ZNF385D: variants seen among roughly 807,000 people sequenced by gnomAD.
The protein encoded by ZNF385D is zinc finger protein 385D, also known as zinc finger protein 659.
ZNF385D carries 15 observed loss-of-function variants against 35.8 expected under a neutral mutation model. That is an observed-to-expected ratio of 0.42 (90% CI 0.28 to 0.64). The LOEUF (loss-of-function observed/expected upper bound fraction) is 0.64. ZNF385D is among the 30% of genes least tolerant of loss of function. The probability of loss-of-function intolerance (pLI) is 0.23; values close to 1 mark genes in which losing one functional copy is unlikely to be tolerated. For synonymous variants in ZNF385D, 212 were observed against 186.8 expected, an observed-to-expected ratio of 1.13 and a Z score of -1.10; for missense variants, 474 against 494.6, an observed-to-expected ratio of 0.96 and a Z score of 0.39.
At chr3:21,789,149 C>G (rs750750453) in intron 3 of ZNF385D, among the ~76,000 whole-genome samples, 22 of 152,060 alleles carry the variant, frequency 1.4e-4, no homozygotes, top group Non-Finnish European at 3.1e-4. Context: ...CCACCATGAA[C>G]AGTGGATTCA....
intron 2 of ZNF385D, among the ~76,000 whole-genome samples, chr3:22,267,274 A>G (rs952860316): frequency 6.6e-6 from 1 of 151,936 alleles, no homozygotes; most frequent in Non-Finnish European, 1.5e-5. Flanking sequence ...CCAATCTAAA[A>G]TTTAGGTGTA....
chr3:22,154,689 T>G (rs1705474594), intron 3 of ZNF385D, among the ~76,000 whole-genome samples: 1 of 152,198 alleles, frequency 6.6e-6, no homozygotes, highest in Non-Finnish European at 1.5e-5. Context: ...TCTGGTTTTC[T>G]CCTATTCTGC....
At chr3:21,952,768 C>G (rs913366836) in intron 3 of ZNF385D, among the ~76,000 whole-genome samples, 4 of 151,608 alleles carry the variant, frequency 2.6e-5, no homozygotes, top group African/African-American at 4.8e-5. Flanking sequence ...AAAAATGTAA[C>G]TGCTACTTAA....
chr3:22,372,571 G>C, exon 2 of ZNF385D: 3 of 982,322 alleles, frequency 3.1e-6, no homozygotes, highest in Middle Eastern at 1.0e-3. Context: ...AGGAGCAGCC[G>C]CCGGGGCTGG....
intron 3 of ZNF385D, among the ~76,000 whole-genome samples, chr3:22,038,002 T>C (rs1013085868): frequency 6.6e-6 from 1 of 152,036 alleles, no homozygotes; most frequent in Non-Finnish European, 1.5e-5. Context: ...TAATAAATGG[T>C]GCTGGGAAAA....
intron 2 of ZNF385D, among the ~76,000 whole-genome samples, chr3:22,348,485 T>TAAAAAAAAAAAAAAAAAAAAAAAAA (rs1168729541): frequency 9.4e-5 from 8 of 84,872 alleles, no homozygotes; most frequent in African/African-American, 3.4e-4. Flanking sequence ...CCATCTCTAC[T>TAAAAAAAAAAAAAAAAAAAAAAAAA]AAAAAAAAAA....
At chr3:22,046,133 CAGG>C (rs1237274723) in intron 3 of ZNF385D, among the ~76,000 whole-genome samples, 2 of 152,074 alleles carry the variant, frequency 1.3e-5, no homozygotes, top group African/African-American at 4.8e-5. Context: ...CTGTGGGCAG[CAGG>C]AGATCTGCTA....
chr3:21,881,128 G>C (rs1698255048), intron 3 of ZNF385D, among the ~76,000 whole-genome samples: 1 of 151,940 alleles, frequency 6.6e-6, no homozygotes. Flanking sequence ...TGATCCAGAA[G>C]ACTTAGCTAA....
intron 3 of ZNF385D, among the ~76,000 whole-genome samples, chr3:21,907,325 A>G (rs1382367870): frequency 2.0e-5 from 3 of 152,152 alleles, no homozygotes; most frequent in African/African-American, 7.2e-5. Flanking sequence ...TTATATCTTT[A>G]CTTCTACAAT....
In ZNF385D at chr3:21,743,027, C is replaced by T. The variant is rs571555963; in HGVS notation, c.22+7868G>A. On this transcript the variant is annotated intron_variant, in intron 1 of 7. Coordinates refer to ENST00000281523, the MANE Select transcript of ZNF385D (RefSeq NM_024697.3). ...GCATATTTTAGTTCTCCAAATAGAA[C>T]CGTGAGAAACATTATTATATTATTA... Among the ~76,000 whole-genome samples the T allele has an allele frequency of 1.6e-4, 25 of 152,276 alleles. No homozygotes were observed. The South Asian group carries it at 1.7e-3, about 10-fold the overall frequency.
intron 3 of ZNF385D, among the ~76,000 whole-genome samples, chr3:21,958,286 T>A (rs1702393580): frequency 6.6e-6 from 1 of 152,118 alleles, no homozygotes; most frequent in South Asian, 2.1e-4. Context: ...ACACTGGAGA[T>A]TGACAATAGA....
intron 3 of ZNF385D, among the ~76,000 whole-genome samples, chr3:22,057,647 C>G (rs1003090143): frequency 6.6e-6 from 1 of 151,738 alleles, no homozygotes; most frequent in Non-Finnish European, 1.5e-5. Context: ...GTAGCTGGAA[C>G]GACAGGCAGG....
intron 2 of ZNF385D, among the ~76,000 whole-genome samples, chr3:22,283,248 T>C (rs2125384262): frequency 6.6e-6 from 1 of 152,148 alleles, no homozygotes; most frequent in South Asian, 2.1e-4. Flanking sequence ...ACTTCAGTAC[T>C]CCACTGACAG....
intron 3 of ZNF385D, among the ~76,000 whole-genome samples, chr3:22,009,135 A>G (rs115103296): frequency 1.6e-3 from 243 of 152,254 alleles, no homozygotes; most frequent in African/African-American, 5.5e-3. Context: ...TTAAAAACAC[A>G]CATATCCTCA....
At chr3:22,017,411 G>C (rs9816411) in intron 3 of ZNF385D, among the ~76,000 whole-genome samples, 8,756 of 151,882 alleles carry the variant, frequency 0.058, 842 homozygotes, top group African/African-American at 0.2. Context: ...TCAAATTTTT[G>C]TGTGTTGTCT....
chr3:22,177,434 A>C (rs1278087713), intron 2 of ZNF385D, among the ~76,000 whole-genome samples: 2 of 152,190 alleles, frequency 1.3e-5, no homozygotes, highest in African/African-American at 4.8e-5. Flanking sequence ...CAAGTTATTA[A>C]AAAGTCATAT....
intron 1 of ZNF385D, among the ~76,000 whole-genome samples, chr3:21,738,124 G>C (rs2069335949): frequency 6.6e-6 from 1 of 152,228 alleles, no homozygotes; most frequent in South Asian, 2.1e-4. Context: ...TGCTTGGCTT[G>C]TACACTGAGA....
chr3:21,620,253 T>G (rs904642912), intron 2 of ZNF385D, among the ~76,000 whole-genome samples: 1 of 152,058 alleles, frequency 6.6e-6, no homozygotes, highest in Non-Finnish European at 1.5e-5. Context: ...CTCTAATATC[T>G]TTTCCAAAAC....
At chr3:22,061,951 T>G (rs1699708838) in intron 3 of ZNF385D, among the ~76,000 whole-genome samples, 2 of 152,228 alleles carry the variant, frequency 1.3e-5, no homozygotes, top group South Asian at 4.1e-4. Flanking sequence ...AAAACAGTAT[T>G]GGTGAATACC....
Sources: allele counts gnomAD v4.1 joint callset (sites outside exome capture counted in the v4.1 genomes callset), GRCh38; gene constraint gnomAD v4.1.1; transcripts MANE v1.5; gene names NCBI Gene and HGNC (gene_info 2026-07-23, HGNC 2026-07-21).